The following ARHGAP10 variants were observed in gnomAD, a reference collection of about 807,000 sequenced individuals.
ARHGAP10 encodes rho GTPase-activating protein 10.
A neutral mutation model predicts 108.6 loss-of-function variants in ARHGAP10; 87 were observed. That is an observed-to-expected ratio of 0.80 (90% CI 0.67 to 0.96). The LOEUF is 0.96. Among genes scored for constraint, ARHGAP10 ranks in the 40% least tolerant of loss-of-function variants. The probability of loss-of-function intolerance (pLI) is 0.00; values close to 1 mark genes in which losing one functional copy is unlikely to be tolerated. For missense variants in ARHGAP10, 939 were observed against 954.5 expected, an observed-to-expected ratio of 0.98 and a Z score of 0.21; for synonymous variants, 347 against 341.1, an observed-to-expected ratio of 1.02 and a Z score of -0.19.
rs572611819 is a variant in ARHGAP10, at chr4:147,938,049, A to G, written c.1229-1776A>G. 3.7e-4 allele frequency among the ~76,000 whole-genome samples: 56 copies of G among 152,330 alleles called. 1 individual carries two copies. The highest frequency in any genetic ancestry group is 1.2e-3 in the African/African-American group (49 of 41,580). Reference sequence around the variant, plus strand: ...GCAGCCCTAAAAAGGAACGAGGATCATGTCCTTTGCTGGGACATGGATGGA... The same window carrying G: ...GCAGCCCTAAAAAGGAACGAGGATCGTGTCCTTTGCTGGGACATGGATGGA... On this transcript the variant is annotated intron_variant, in intron 13 of 22. Coordinates refer to ENST00000336498, the MANE Select transcript of ARHGAP10 (RefSeq NM_024605.4).
rs567852690 is a variant in ARHGAP10 at position 147,806,194 on chromosome 4, G to C, written c.155-16533G>C. On this transcript the variant is annotated intron_variant, in intron 1 of 22. Transcript: ENST00000336498. ...ACCCATCTTACCACCTCAGTGTCCA[G>C]AGTCCAGGCGGCTTTCCAGGTCGGA... is the stretch of plus-strand genomic sequence containing the variant. Among the ~76,000 whole-genome samples, 371 of 152,198 alleles carry C rather than the reference G, an allele frequency of 2.4e-3. 1 individual carries two copies. The highest frequency in any genetic ancestry group is 4.2e-3 in the Non-Finnish European group (288 of 68,014).
intron 16 of ARHGAP10, among the ~76,000 whole-genome samples, chr4:147,959,951 G>C (rs949019320): frequency 6.6e-6 from 1 of 152,090 alleles, no homozygotes; most frequent in African/African-American, 2.4e-5. Flanking sequence ...GGTTTTTAGT[G>C]CAAAGTTTTC....
chr4:148,003,165 G>A (rs1161062565), intron 18 of ARHGAP10, among the ~76,000 whole-genome samples: 2 of 152,102 alleles, frequency 1.3e-5, no homozygotes, highest in African/African-American at 4.8e-5. Flanking sequence ...CCTTCATTTC[G>A]TTATGTACCC....
At chr4:147,758,261 C>CT (rs1385655355) in intron 1 of ARHGAP10, among the ~76,000 whole-genome samples, 11 of 143,798 alleles carry the variant, frequency 7.6e-5, no homozygotes, top group Admixed American at 7.6e-4. Context: ...GAAACTTCAT[C>CT]TCAAAAAAAA....
Position 147,946,628 on chromosome 4 carries a change from T to A in ARHGAP10, c.1315T>A (p.Cys439Ser). The A allele has an allele frequency of 1.2e-6, 2 of 1,612,332 alleles. No homozygotes were observed. The highest frequency in any genetic ancestry group is 1.7e-6 in the Non-Finnish European group (2 of 1,179,428). ...LLSMLMDVKT[C>S]NEVDLENSAD... ...TGCTTGCTCACTAGATGTAAAAACA[T>A]GCAATGAGGTGGACCTGGAGAATTC... The change falls in exon 15 of 23, where the codon TGC becomes AGC. Residue 439 changes from cysteine to serine, a missense_variant. Cys to Ser is a moderately radical substitution (Grantham distance 112, BLOSUM62 -1). Transcript: ENST00000336498.
At chr4:147,905,712 G>A (rs1362459207) in intron 10 of ARHGAP10, among the ~76,000 whole-genome samples, 2 of 149,034 alleles carry the variant, frequency 1.3e-5, no homozygotes, top group Admixed American at 6.8e-5. Flanking sequence ...ACTTGGCGAT[G>A]TGGGCTCTTT....
chr4:147,753,180 C>T (rs145232116), intron 1 of ARHGAP10, among the ~76,000 whole-genome samples: 2 of 152,262 alleles, frequency 1.3e-5, no homozygotes, highest in Admixed American at 6.5e-5. Context: ...AAATAAAACT[C>T]GTCTCCTGAC....
intron 13 of ARHGAP10, among the ~76,000 whole-genome samples, chr4:147,920,948 C>T (rs1442324709): frequency 6.6e-6 from 1 of 152,170 alleles, no homozygotes; most frequent in Non-Finnish European, 1.5e-5. Flanking sequence ...GGCAATCAGG[C>T]TTATGCATTT....
chr4:147,901,539 T>G (rs921195956), intron 10 of ARHGAP10, among the ~76,000 whole-genome samples: 2 of 152,236 alleles, frequency 1.3e-5, no homozygotes, highest in Non-Finnish European at 2.9e-5. Flanking sequence ...TTTCAACAAA[T>G]TTGTTCTCTG....
chr4:147,766,819 T>C (rs1420012347), intron 1 of ARHGAP10, among the ~76,000 whole-genome samples: 2 of 13,474 alleles, frequency 1.5e-4, no homozygotes, highest in African/African-American at 1.6e-4. Flanking sequence ...TATATATATA[T>C]ATATATATAT....
chr4:147,751,795 C>A (rs973749128), intron 1 of ARHGAP10, among the ~76,000 whole-genome samples: 1 of 151,662 alleles, frequency 6.6e-6, no homozygotes, highest in Non-Finnish European at 1.5e-5. Flanking sequence ...AATTTAAGAA[C>A]GTGGGTTTAG....
At chr4:147,910,750 G>A (rs2126916834) in intron 12 of ARHGAP10, among the ~76,000 whole-genome samples, 1 of 152,010 alleles carries the variant, frequency 6.6e-6, no homozygotes, top group South Asian at 2.1e-4. Flanking sequence ...GACATATTTG[G>A]AAAAATTAAG....
intron 1 of ARHGAP10, among the ~76,000 whole-genome samples, chr4:147,768,612 A>T (rs2126715484): frequency 6.6e-6 from 1 of 152,286 alleles, no homozygotes; most frequent in African/African-American, 2.4e-5. Context: ...TCAAAACCAT[A>T]ATATTTTTGT....
chr4:147,862,231 T>A (rs185418696), intron 5 of ARHGAP10: 180 of 152,662 alleles, frequency 1.2e-3, no homozygotes, highest in African/African-American at 3.8e-3. Context: ...CATACCCGGC[T>A]GGGTGGCAAC....
At chr4:147,936,415 G>A (rs192790488) in intron 13 of ARHGAP10, among the ~76,000 whole-genome samples, 5 of 129,006 alleles carry the variant, frequency 3.9e-5, no homozygotes, top group Admixed American at 3.8e-4. Context: ...TGCAAGCTCC[G>A]CTTCCCGGGT....
At chr4:148,062,510 A>T (rs894590404) in intron 20 of ARHGAP10, among the ~76,000 whole-genome samples, 2 of 152,160 alleles carry the variant, frequency 1.3e-5, no homozygotes, top group African/African-American at 4.8e-5. Flanking sequence ...AACACGCATC[A>T]ATTATTTGAA....
At chr4:147,839,618 C>A (rs1247469830) in intron 3 of ARHGAP10, among the ~76,000 whole-genome samples, 1 of 152,078 alleles carries the variant, frequency 6.6e-6, no homozygotes, top group African/African-American at 2.4e-5. Flanking sequence ...GGGTTATAGC[C>A]CTAAGTCCTA....
At chr4:147,982,757 A>G (rs928966284) in intron 18 of ARHGAP10, among the ~76,000 whole-genome samples, 1 of 151,520 alleles carries the variant, frequency 6.6e-6, no homozygotes, top group Admixed American at 6.6e-5. Flanking sequence ...AATTTTCCTG[A>G]ATTTTATCCC....
intron 18 of ARHGAP10, among the ~76,000 whole-genome samples, chr4:147,993,795 A>C (rs1740369007): frequency 6.6e-6 from 1 of 152,244 alleles, no homozygotes; most frequent in Admixed American, 6.5e-5. Flanking sequence ...GATATAATGG[A>C]TATAATTATG....
Sources: allele counts gnomAD v4.1 joint callset (sites outside exome capture counted in the v4.1 genomes callset), GRCh38; gene constraint gnomAD v4.1.1; transcripts MANE v1.5; gene names NCBI Gene and HGNC (gene_info 2026-07-23, HGNC 2026-07-21).